Variants in TUBA1C observed in about 807,000 individuals in gnomAD.
TUBA1C encodes tubulin alpha 1c.
Under a neutral mutation model 34.9 loss-of-function variants are expected in TUBA1C, and 16 were observed. That is an observed-to-expected ratio of 0.46 (90% CI 0.31 to 0.70). The LOEUF is 0.70. Among genes scored for constraint, TUBA1C ranks in the 30% least tolerant of loss-of-function variants. The pLI, the probability that TUBA1C is intolerant of heterozygous loss-of-function variation, is 0.05. For synonymous variants in TUBA1C, 177 were observed against 215.9 expected (o/e 0.82, Z 1.58); for missense variants, 329 against 587.3 (o/e 0.56, Z 4.55).
intron 1 of TUBA1C, among the ~76,000 whole-genome samples, chr12:49,237,288 G>A (rs187433124): frequency 4.0e-5 from 6 of 151,770 alleles, no homozygotes; most frequent in African/African-American, 1.2e-4. Context: ...GAGTGGTGGC[G>A]CGTACCTGTA....
chr12:49,273,223 A>ATTAACCTG lies in TUBA1C; in HGVS notation c.1348_*5dup. ...GACGGAGAGGATGAGGGTGAAGAGT[A>ATTAACCTG]TTAACCTGTGTGCTGTACTTTTACA... On this transcript the variant is annotated stop_gained and frameshift_variant, in exon 4 of 4. Coordinates refer to ENST00000301072, the MANE Select transcript of TUBA1C (RefSeq NM_032704.5). LOFTEE classifies it high-confidence loss of function. The ATTAACCTG allele has an allele frequency of 6.2e-7, 1 of 1,614,244 alleles. No homozygotes were observed. The highest frequency in any genetic ancestry group is 1.1e-5 in the South Asian group (1 of 91,090).
intron 1 of TUBA1C, among the ~76,000 whole-genome samples, chr12:49,255,809 G>A (rs1055363822): frequency 1.6e-4 from 24 of 152,190 alleles, no homozygotes; most frequent in Middle Eastern, 3.4e-3. Flanking sequence ...CACGTGATCC[G>A]CCGGCCTCAG....
At chr12:49,258,005 T>G (rs565540772) in intron 1 of TUBA1C, 1 of 160,964 alleles carries the variant, frequency 6.2e-6, no homozygotes, top group Admixed American at 6.5e-5. Context: ...ATTACAGGTA[T>G]GTGCCACCAC....
intron 1 of TUBA1C, among the ~76,000 whole-genome samples, chr12:49,245,255 T>G (rs1942655382): frequency 6.6e-6 from 1 of 152,016 alleles, no homozygotes; most frequent in Admixed American, 6.6e-5. Context: ...TGGAAAAAAT[T>G]GACAAAAATG....
chr12:49,236,342 T>C (rs971402832), intron 1 of TUBA1C, among the ~76,000 whole-genome samples: 7 of 152,196 alleles, frequency 4.6e-5, no homozygotes, highest in Admixed American at 1.3e-4. Flanking sequence ...AGCAGAATAT[T>C]AGAGCAGATT....
Position 49,273,092 on chromosome 12 carries a change from T to A in TUBA1C, c.1215T>A (p.Val405=). The A allele has an allele frequency of 1.2e-6, 2 of 1,614,184 alleles. No homozygotes were observed. The highest frequency in any genetic ancestry group is 1.7e-6 in the Non-Finnish European group (2 of 1,180,026). Residue 405 remains valine, a synonymous_variant, in exon 4 of 4, where the codon GTT becomes GTA. Coordinates refer to ENST00000301072, the MANE Select transcript of TUBA1C (RefSeq NM_032704.5). The part of the protein sequence containing the change: ...FDLMYAKRAF[V]HWYVGEGMEE... ...TGATGTATGCCAAGCGTGCCTTTGT[T>A]CACTGGTACGTGGGTGAGGGGATGG... is the stretch of plus-strand genomic sequence containing the variant.
chr12:49,230,998 A>G (rs1328929912), intron 1 of TUBA1C, among the ~76,000 whole-genome samples: 1 of 152,198 alleles, frequency 6.6e-6, no homozygotes, highest in African/African-American at 2.4e-5. Context: ...CGTTTCTGGT[A>G]TACAGGAAGG....
intron 1 of TUBA1C, among the ~76,000 whole-genome samples, chr12:49,247,172 CAA>C (rs978121671): frequency 6.6e-6 from 1 of 150,558 alleles, no homozygotes; most frequent in Non-Finnish European, 1.5e-5. Flanking sequence ...AAAAGTAAAA[CAA>C]GAGAAAAGAA....
At chr12:49,236,732 A>G (rs1473175575) in intron 1 of TUBA1C, among the ~76,000 whole-genome samples, 3 of 152,214 alleles carry the variant, frequency 2.0e-5, no homozygotes, top group Admixed American at 6.5e-5. Flanking sequence ...CCTAGGCTAT[A>G]TAACACAGCC....
intron 1 of TUBA1C, among the ~76,000 whole-genome samples, chr12:49,266,827 C>T (rs1326115220): frequency 6.6e-6 from 1 of 152,124 alleles, no homozygotes; most frequent in Admixed American, 6.6e-5. Flanking sequence ...CCAGCGAGAC[C>T]TTATCTCAAA....
chr12:49,233,109 G>C (rs1299939290), intron 1 of TUBA1C: 5 of 152,210 alleles, frequency 3.3e-5, no homozygotes. Flanking sequence ...TTGTCTGAGC[G>C]GACTCTCTCC....
chr12:49,251,424 G>A (rs925100132), intron 1 of TUBA1C, among the ~76,000 whole-genome samples: 1 of 151,964 alleles, frequency 6.6e-6, no homozygotes, highest in Admixed American at 6.6e-5. Flanking sequence ...AGTATATATC[G>A]ATATCCTTAT....
At chr12:49,253,733 G>A (rs112135784) in intron 1 of TUBA1C, among the ~76,000 whole-genome samples, 24 of 152,176 alleles carry the variant, frequency 1.6e-4, no homozygotes, top group African/African-American at 4.1e-4. Flanking sequence ...TCACTATGTC[G>A]TCCAAGCTGG....
At chr12:49,247,587 G>C (rs1402245485) in intron 1 of TUBA1C, among the ~76,000 whole-genome samples, 1 of 151,960 alleles carries the variant, frequency 6.6e-6, no homozygotes, top group African/African-American at 2.4e-5. Flanking sequence ...CTGGGCAACA[G>C]AGCGAGACTC....
rs980866844 is a variant in TUBA1C, at chr12:49,255,052, T to C, written c.214-14413T>C. Among the ~76,000 whole-genome samples, 3 of 152,024 alleles carry C rather than the reference T, an allele frequency of 2.0e-5. No individual in the cohort carries two copies. The South Asian group carries it at 6.2e-4, about 32-fold the overall frequency. Reference sequence around the variant, plus strand: ...CTACCACTTCAGCCTCCCAAATTGCTGGGATTACAGGCTTGAGCCACTGCA... The same window carrying C: ...CTACCACTTCAGCCTCCCAAATTGCCGGGATTACAGGCTTGAGCCACTGCA... On this transcript the variant is annotated intron_variant, in intron 1 of 3. Coordinates refer to the TUBA1C transcript ENST00000541364.
chr12:49,266,096 C>T (rs769380643), intron 1 of TUBA1C, among the ~76,000 whole-genome samples: 43 of 148,338 alleles, frequency 2.9e-4, no homozygotes, highest in Non-Finnish European at 4.9e-4. Flanking sequence ...CGCTACTGCA[C>T]TCCAGTCTGG....
At chr12:49,228,104 C>T (rs1416957068) in exon 1 of TUBA1C, 3 of 1,535,548 alleles carry the variant, frequency 2.0e-6, no homozygotes, top group African/African-American at 2.7e-5. Context: ...TCTTCAGCTC[C>T]CTGCGCCTTT....
At position 49,272,285 on chromosome 12, in the gene TUBA1C, G is replaced by A. The variant is rs1340543743; in HGVS notation, c.408G>A (p.Leu136=). ...AGTGCACCGGTCTTCAGGGCTTCTT[G>A]GTTTTCCACAGCTTTGGTGGGGGAA... The part of the protein sequence containing the change: ...ADQCTGLQGF[L]VFHSFGGGTG... Residue 136 remains leucine, a synonymous_variant, in exon 4 of 4, where the codon TTG becomes TTA. Coordinates refer to ENST00000301072, the MANE Select transcript of TUBA1C (RefSeq NM_032704.5). The A allele has an allele frequency of 6.2e-7, 1 of 1,613,156 alleles. No individual in the cohort carries two copies.
chr12:49,268,804 T>A (rs1942949906), intron 1 of TUBA1C, among the ~76,000 whole-genome samples: 1 of 152,166 alleles, frequency 6.6e-6, no homozygotes, highest in South Asian at 2.1e-4. Flanking sequence ...TTTTGTCTCC[T>A]AAAGAATAGG....
Sources: gnomAD v4.1 joint callset for allele counts (sites outside exome capture counted in the v4.1 genomes callset) on GRCh38, gnomAD v4.1.1 for gene constraint, MANE v1.5 for transcripts, NCBI Gene and HGNC (gene_info 2026-07-23, HGNC 2026-07-21) for gene names.